Variants in CDK8 observed in about 807,000 individuals in gnomAD.
The protein encoded by CDK8 is cyclin-dependent kinase 8.
Under a neutral mutation model 71.5 loss-of-function variants are expected in CDK8, and 29 were observed. The ratio of observed to expected loss-of-function variants is 0.41; its 90% CI spans 0.30 to 0.55. CDK8 has a LOEUF of 0.55. Among genes scored for constraint, CDK8 ranks in the 20% least tolerant of loss-of-function variants. The pLI, the probability that CDK8 is intolerant of heterozygous loss-of-function variation, is 0.37. For missense variants in CDK8, 288 were observed against 572.6 expected, an observed-to-expected ratio of 0.50 and a Z score of 5.07; for synonymous variants, 161 against 192.1, an observed-to-expected ratio of 0.84 and a Z score of 1.34.
intron 1 of CDK8, among the ~76,000 whole-genome samples, chr13:26,294,940 G>A (rs1043706020): frequency 1.1e-4 from 17 of 151,970 alleles, no homozygotes; most frequent in African/African-American, 4.1e-4. Flanking sequence ...AGTAGAGATG[G>A]GGTTTCACCA....
rs2137842219 is a variant in CDK8 at position 26,254,589 on chromosome 13, ACCCCTGCC to A, written c.-48_-41del. 3 of 702,980 alleles carry A rather than the reference ACCCCTGCC, an allele frequency of 4.3e-6. No individual in the cohort carries two copies. The highest frequency in any genetic ancestry group is 6.6e-6 in the Non-Finnish European group (3 of 455,008). The allele number at this position is 702,980 out of a possible 1,614,324, so 43.5% of individuals were successfully genotyped here. A position where few individuals can be genotyped will look rare whatever the true frequency, so the allele number is the denominator to read the frequency against. ...GGCTGCCCGTGCTTCCCCGGTCCCCACCCCTGCCCCCCGGCCCCCCGACCCAGCTCTCC... is the reference window on the plus strand; with the variant it reads ...GGCTGCCCGTGCTTCCCCGGTCCCCACCCCGGCCCCCCGACCCAGCTCTCC... On this transcript the variant is annotated 5_prime_UTR_variant, in exon 1 of 13. Coordinates refer to ENST00000381527, the MANE Select transcript of CDK8 (RefSeq NM_001260.3). This position sits in a 1 kb window ranked among gnomAD's most constrained non-coding sequence, Gnocchi z 6.7.
At chr13:26,395,839 TAAA>T (rs758694776) in intron 7 of CDK8, among the ~76,000 whole-genome samples, 90 of 152,098 alleles carry the variant, frequency 5.9e-4, no homozygotes, top group Non-Finnish European at 1.1e-3. Flanking sequence ...GGCTGTATCA[TAAA>T]AAGAAGTATA....
At chr13:26,257,081 A>G (rs1052890253) in intron 1 of CDK8, among the ~76,000 whole-genome samples, 4 of 152,180 alleles carry the variant, frequency 2.6e-5, no homozygotes, top group African/African-American at 9.7e-5. Context: ...TTAATCTTTC[A>G]TAATAAGATG....
At chr13:26,350,971 G>A (rs1326627681) in intron 3 of CDK8, among the ~76,000 whole-genome samples, 2 of 151,684 alleles carry the variant, frequency 1.3e-5, no homozygotes, top group Non-Finnish European at 2.9e-5. Flanking sequence ...AATCTGAAAC[G>A]TTACCTTGCA....
intron 1 of CDK8, among the ~76,000 whole-genome samples, chr13:26,270,316 G>A (rs973798150): frequency 6.6e-6 from 1 of 151,706 alleles, no homozygotes; most frequent in African/African-American, 2.4e-5. Flanking sequence ...TTGAACCCAG[G>A]AGGTGGAGGT....
chr13:26,327,969 T>TC (rs1409486071), intron 1 of CDK8, among the ~76,000 whole-genome samples: 2 of 151,876 alleles, frequency 1.3e-5, no homozygotes, highest in Non-Finnish European at 2.9e-5. Flanking sequence ...CTGTCTTTTT[T>TC]TTTTTTTTTA....
intron 2 of CDK8, among the ~76,000 whole-genome samples, chr13:26,342,704 C>T (rs552200241): frequency 6.6e-6 from 1 of 152,146 alleles, no homozygotes; most frequent in Non-Finnish European, 1.5e-5. Flanking sequence ...CTGTCTGTCT[C>T]CTAATATGTC....
chr13:26,321,364 A>G (rs1419578837), intron 1 of CDK8, among the ~76,000 whole-genome samples: 1 of 152,168 alleles, frequency 6.6e-6, no homozygotes, highest in East Asian at 1.9e-4. Flanking sequence ...GTGGAATGAT[A>G]GTTGCTAGGA....
intron 4 of CDK8, among the ~76,000 whole-genome samples, chr13:26,373,069 C>T (rs1874765854): frequency 6.6e-6 from 1 of 152,096 alleles, no homozygotes; most frequent in South Asian, 2.1e-4. Flanking sequence ...TTCTTCTGTC[C>T]ACACCTGCTT....
chr13:26,353,650 A>C (rs1004593124), intron 3 of CDK8, 90 bp from the exon 4 acceptor site: 1 of 988,462 alleles, frequency 1.0e-6, no homozygotes, highest in Non-Finnish European at 1.5e-6. Flanking sequence ...GGAATCCCTG[A>C]GTGTTTCTTT....
chr13:26,322,870 T>A (rs767627094), intron 1 of CDK8, among the ~76,000 whole-genome samples: 1 of 152,200 alleles, frequency 6.6e-6, no homozygotes, highest in Non-Finnish European at 1.5e-5. Flanking sequence ...AACTGAAATT[T>A]TGTCGATTTT....
chr13:26,274,549 A>G (rs907451582), intron 1 of CDK8, among the ~76,000 whole-genome samples: 114 of 151,364 alleles, frequency 7.5e-4, no homozygotes, highest in African/African-American at 2.0e-3. Flanking sequence ...CTCCTGCCTC[A>G]GCCTCCCGAG....
intron 4 of CDK8, among the ~76,000 whole-genome samples, chr13:26,364,777 C>T (rs531431063): frequency 6.6e-6 from 1 of 152,236 alleles, no homozygotes; most frequent in South Asian, 2.1e-4. Flanking sequence ...CATATATACA[C>T]TTTCTTTCTT....
intron 1 of CDK8, among the ~76,000 whole-genome samples, chr13:26,307,258 A>G (rs149514336): frequency 2.0e-3 from 298 of 152,284 alleles, no homozygotes; most frequent in African/African-American, 6.8e-3. Flanking sequence ...ATTTCAGAAG[A>G]GGAAGATTAT....
chr13:26,268,815 C>A (rs913807183), intron 1 of CDK8, among the ~76,000 whole-genome samples: 4 of 152,136 alleles, frequency 2.6e-5, no homozygotes, highest in African/African-American at 9.7e-5. Flanking sequence ...TGGTATTCTA[C>A]CTCCATGCAG....
intron 1 of CDK8, among the ~76,000 whole-genome samples, chr13:26,263,786 A>T (rs560930761): frequency 8.5e-6 from 1 of 117,484 alleles, no homozygotes; most frequent in Non-Finnish European, 1.7e-5. Context: ...TCGCTATGTC[A>T]CCCAGCCTGG....
chr13:26,288,091 T>C (rs1037473975), intron 1 of CDK8, among the ~76,000 whole-genome samples: 2 of 152,002 alleles, frequency 1.3e-5, no homozygotes, highest in Non-Finnish European at 2.9e-5. Context: ...GCCTCCCGAG[T>C]AGCTGGGACT....
chr13:26,335,977 G>A (rs547445006), intron 1 of CDK8, among the ~76,000 whole-genome samples: 1 of 152,172 alleles, frequency 6.6e-6, no homozygotes, highest in Non-Finnish European at 1.5e-5. Flanking sequence ...TGCCCTTCTT[G>A]TTGTTCTTGG....
intron 1 of CDK8, among the ~76,000 whole-genome samples, chr13:26,292,550 A>C (rs1873352988): frequency 1.3e-5 from 2 of 152,144 alleles, no homozygotes; most frequent in African/African-American, 4.8e-5. Context: ...TTTTTCTCAT[A>C]TCTGATTGGT....
Sources: gnomAD v4.1 joint callset for allele counts (sites outside exome capture counted in the v4.1 genomes callset) on GRCh38, gnomAD v4.1.1 for gene constraint, Gnocchi (gnomAD v3.1) non-coding constraint, MANE v1.5 for transcripts, NCBI Gene and HGNC (gene_info 2026-07-23, HGNC 2026-07-21) for gene names.